Variants in SPECC1L observed in about 807,000 individuals in gnomAD.
SPECC1L encodes cytospin-A.
A neutral mutation model predicts 116.8 loss-of-function variants in SPECC1L; 40 were observed. The ratio of observed to expected loss-of-function variants is 0.34; its 90% CI spans 0.27 to 0.45. The LOEUF (loss-of-function observed/expected upper bound fraction) is 0.45, where lower values mean the gene tolerates loss of function less well. Among genes scored for constraint, SPECC1L ranks in the 20% least tolerant of loss-of-function variants. The pLI is 1.00. For missense variants in SPECC1L, 1,110 were observed against 1,373.6 expected, an observed-to-expected ratio of 0.81 and a Z score of 3.03; for synonymous variants, 504 against 500.6, an observed-to-expected ratio of 1.01 and a Z score of -0.09.
chr22:24,316,011 T>A (rs2040556187), intron 4 of SPECC1L, among the ~76,000 whole-genome samples: 1 of 152,206 alleles, frequency 6.6e-6, no homozygotes, highest in Non-Finnish European at 1.5e-5. Flanking sequence ...TGTCTCCAGG[T>A]GCAGTCACAT....
chr22:24,341,159 C>T (rs543886948), intron 10 of SPECC1L, among the ~76,000 whole-genome samples: 1 of 152,032 alleles, frequency 6.6e-6, no homozygotes, highest in Admixed American at 6.5e-5. Flanking sequence ...GGCGACTGCT[C>T]GAATTTGCAG....
chr22:24,348,245 G>C (rs1405998408), intron 11 of SPECC1L, among the ~76,000 whole-genome samples: 1 of 152,138 alleles, frequency 6.6e-6, no homozygotes, highest in Non-Finnish European at 1.5e-5. Context: ...AGGAATTCTT[G>C]GTTGTGCATG....
chr22:24,374,515 C>G (rs1370670389), intron 14 of SPECC1L, among the ~76,000 whole-genome samples: 1 of 150,382 alleles, frequency 6.6e-6, no homozygotes, highest in Non-Finnish European at 1.5e-5. Flanking sequence ...AGCAAACTAT[C>G]GCAAGGACAA....
intron 9 of SPECC1L, among the ~76,000 whole-genome samples, chr22:24,335,846 A>G (rs1178791630): frequency 6.6e-6 from 1 of 152,090 alleles, no homozygotes; most frequent in East Asian, 1.9e-4. Context: ...ACATAGTACC[A>G]TCTTTATATG....
chr22:24,382,240 G>A (rs2042075580), intron 14 of SPECC1L, among the ~76,000 whole-genome samples: 1 of 152,158 alleles, frequency 6.6e-6, no homozygotes, highest in Admixed American at 6.5e-5. Flanking sequence ...ATTTACCCCT[G>A]CTTTTTTCCC....
intron 8 of SPECC1L, among the ~76,000 whole-genome samples, chr22:24,334,014 G>GTTTTTTTT (rs11398083): frequency 7.5e-6 from 1 of 132,556 alleles, no homozygotes; most frequent in Non-Finnish European, 1.6e-5. Flanking sequence ...GTTTTTTGTT[G>GTTTTTTTT]TTTTTTTTTT....
rs1209567806 is a variant in SPECC1L at position 24,414,467 on chromosome 22, G to C, written c.3265-67G>C. 74 of 1,323,412 alleles carry C rather than the reference G, an allele frequency of 5.6e-5. 2 individuals carry two copies. In the South Asian group the frequency reaches 7.8e-4, roughly 14 times the overall value. The allele number at this position is 1,323,412 out of a possible 1,614,324, so 82.0% of individuals were successfully genotyped here. On this transcript the variant is annotated intron_variant, in intron 16 of 16. Coordinates refer to ENST00000314328, the MANE Select transcript of SPECC1L (RefSeq NM_015330.6). The stretch of plus-strand genomic sequence containing the variant: ...AACTCCAAGAGCCCATGTTGCTATG[G>C]CAGAGCCCATTGGCACAGCCTGGAG...
At chr22:24,381,698 TATG>T (rs1569442823) in intron 14 of SPECC1L, among the ~76,000 whole-genome samples, 2 of 151,536 alleles carry the variant, frequency 1.3e-5, no homozygotes, top group Non-Finnish European at 2.9e-5. Flanking sequence ...TCCTGGCTAA[TATG>T]GTGAAACGCC....
At chr22:24,397,325 C>A (rs1009650759) in intron 14 of SPECC1L, among the ~76,000 whole-genome samples, 1 of 152,202 alleles carries the variant, frequency 6.6e-6, no homozygotes, top group African/African-American at 2.4e-5. Context: ...TCATTTCCTT[C>A]CTAAGCTCCT....
At chr22:24,388,092 A>G (rs899767194) in intron 14 of SPECC1L, among the ~76,000 whole-genome samples, 3 of 151,816 alleles carry the variant, frequency 2.0e-5, no homozygotes, top group African/African-American at 4.8e-5. Context: ...TATTATTATT[A>G]TTATTATACT....
intron 2 of SPECC1L, among the ~76,000 whole-genome samples, chr22:24,277,772 C>A (rs2048864989): frequency 6.6e-6 from 1 of 152,106 alleles, no homozygotes. Flanking sequence ...TTTATTTGTC[C>A]ATCAGTTGAT....
At chr22:24,363,602 G>C (rs966567060) in intron 12 of SPECC1L, among the ~76,000 whole-genome samples, 2 of 152,212 alleles carry the variant, frequency 1.3e-5, no homozygotes, top group South Asian at 2.1e-4. Flanking sequence ...CTGTGTGTGT[G>C]TTCTTCAGAT....
intron 14 of SPECC1L, among the ~76,000 whole-genome samples, chr22:24,407,439 A>G (rs906762547): frequency 6.6e-6 from 1 of 152,144 alleles, no homozygotes; most frequent in Admixed American, 6.5e-5. Flanking sequence ...AGCCAGGCGG[A>G]TGGGACACAG....
rs1014347460 is a variant in SPECC1L, at chr22:24,304,862, T to C, written c.153+2478T>C. ...TTTGAGAGAAAGATGCATGTGAAAC[T>C]TGGGCTTGACTTAGAGAAGTATACG... On this transcript the variant is annotated intron_variant, in intron 3 of 16. Transcript: ENST00000314328. 2.0e-5 allele frequency among the ~76,000 whole-genome samples: 3 copies of C among 152,344 alleles called. No homozygotes were observed. The East Asian group carries it at 5.8e-4, about 29-fold the overall frequency.
intron 2 of SPECC1L, among the ~76,000 whole-genome samples, chr22:24,301,817 C>T (rs540834827): frequency 1.3e-5 from 2 of 152,078 alleles, no homozygotes; most frequent in African/African-American, 4.8e-5. Context: ...GAGGCTGAGG[C>T]GAGTGGATCA....
intron 14 of SPECC1L, among the ~76,000 whole-genome samples, chr22:24,388,656 G>A (rs2042208544): frequency 1.3e-5 from 2 of 152,074 alleles, no homozygotes; most frequent in South Asian, 2.1e-4. Flanking sequence ...CTGAGGAATC[G>A]CCAAACTGAC....
At chr22:24,320,674 G>A (rs1569419412) in intron 4 of SPECC1L, among the ~76,000 whole-genome samples, 1 of 152,180 alleles carries the variant, frequency 6.6e-6, no homozygotes, top group Non-Finnish European at 1.5e-5. Context: ...TAATGTATTT[G>A]TATAACCAAG....
chr22:24,326,995 A>G (rs2040833593), intron 6 of SPECC1L, among the ~76,000 whole-genome samples: 1 of 152,136 alleles, frequency 6.6e-6, no homozygotes, highest in South Asian at 2.1e-4. Flanking sequence ...ATACCAGAAC[A>G]CTGGCTGGGT....
chr22:24,335,529 A>G (rs982203799), intron 9 of SPECC1L, among the ~76,000 whole-genome samples: 1 of 152,208 alleles, frequency 6.6e-6, no homozygotes, highest in Non-Finnish European at 1.5e-5. Flanking sequence ...GCTCTGGGAA[A>G]GGAAAAGGGA....
Sources: gnomAD v4.1 joint callset for allele counts (sites outside exome capture counted in the v4.1 genomes callset) on GRCh38, gnomAD v4.1.1 for gene constraint, MANE v1.5 for transcripts, NCBI Gene and HGNC (gene_info 2026-07-23, HGNC 2026-07-21) for gene names.